The following SEC22A variants were observed in gnomAD, a reference collection of about 807,000 sequenced individuals.
SEC22A encodes the protein SEC22 homolog A, vesicle trafficking protein, also known as vesicle-trafficking protein SEC22a.
A neutral mutation model predicts 35.3 loss-of-function variants in SEC22A; 22 were observed. The observed-to-expected ratio is 0.62, with a 90% CI of 0.45 to 0.89. The LOEUF (loss-of-function observed/expected upper bound fraction) is 0.89. Among genes scored for constraint, SEC22A ranks in the 40% least tolerant of loss-of-function variants. The probability of loss-of-function intolerance (pLI) is 0.00; values close to 1 mark genes in which losing one functional copy is unlikely to be tolerated. For missense variants in SEC22A, 354 were observed against 362.5 expected (o/e 0.98, Z 0.19); for synonymous variants, 119 against 129.5 (o/e 0.92, Z 0.55).
At chr3:123,260,192 A>G (rs1022033158) in intron 6 of SEC22A, among the ~76,000 whole-genome samples, 1 of 138,544 alleles carries the variant, frequency 7.2e-6, no homozygotes, top group Non-Finnish European at 1.5e-5. Context: ...CTGGTGGTTG[A>G]TTATTCAGCT....
At chr3:123,254,208 G>C (rs542955432) in intron 5 of SEC22A, among the ~76,000 whole-genome samples, 2 of 151,706 alleles carry the variant, frequency 1.3e-5, no homozygotes, top group East Asian at 3.9e-4. Flanking sequence ...TTCTTAAAGA[G>C]ACAGGGTCTC....
chr3:123,223,040 A>G (rs1398945231), intron 2 of SEC22A, among the ~76,000 whole-genome samples: 1 of 152,038 alleles, frequency 6.6e-6, no homozygotes, highest in Non-Finnish European at 1.5e-5. Context: ...CCCCCCTCCC[A>G]TGGTTCATAA....
At chr3:123,255,010 TCA>T (rs1272186065) in intron 5 of SEC22A, among the ~76,000 whole-genome samples, 1 of 151,992 alleles carries the variant, frequency 6.6e-6, no homozygotes, top group Non-Finnish European at 1.5e-5. Context: ...TGTAATTCTC[TCA>T]GATATCCACC....
At chr3:123,226,099 A>G (rs956346175) in intron 4 of SEC22A, among the ~76,000 whole-genome samples, 8 of 152,196 alleles carry the variant, frequency 5.3e-5, no homozygotes, top group Non-Finnish European at 1.0e-4. Context: ...CGTTTGTCTG[A>G]TGATGGGCAC....
intron 2 of SEC22A, among the ~76,000 whole-genome samples, chr3:123,212,621 C>T (rs1936955693): frequency 6.6e-6 from 1 of 151,776 alleles, no homozygotes; most frequent in South Asian, 2.1e-4. Context: ...GTTTTAACAT[C>T]CCTTCATTCT....
rs541160966 is a variant in SEC22A at position 123,272,939 on chromosome 3, T to G, written c.*1217T>G. The G allele has an allele frequency of 6.5e-6, 1 of 153,926 alleles. No homozygotes were observed. Among genetic ancestry groups the G allele is most frequent in the East Asian group, 1.9e-4 (1 of 5,192 alleles). The allele number at this position is 153,926 out of a possible 1,614,324, so 9.5% of individuals were successfully genotyped here. A position where few individuals can be genotyped will look rare whatever the true frequency, so the allele number is the denominator to read the frequency against. On this transcript the variant is annotated 3_prime_UTR_variant, in exon 7 of 7. Transcript: ENST00000492595. ...CCTAGTATCTGAGAGAACTTACTTG[T>G]TTTTTGATAACGTTTTAAAGATTGT...
chr3:123,264,849 G>T (rs2108106183), intron 6 of SEC22A, among the ~76,000 whole-genome samples: 1 of 151,850 alleles, frequency 6.6e-6, no homozygotes, highest in East Asian at 1.9e-4. Context: ...GTTTCACCAT[G>T]TTGACCAGGC....
chr3:123,230,290 G>A (rs554159005), intron 4 of SEC22A, among the ~76,000 whole-genome samples: 2 of 152,286 alleles, frequency 1.3e-5, no homozygotes, highest in East Asian at 3.8e-4. Context: ...GACATGGGTG[G>A]TATTAAAGTT....
chr3:123,227,299 TCCTC>T (rs1452277176), intron 4 of SEC22A, among the ~76,000 whole-genome samples: 3 of 152,188 alleles, frequency 2.0e-5, no homozygotes, highest in African/African-American at 7.2e-5. Context: ...TGTGATCTGT[TCCTC>T]CCTTCCTTCA....
At position 123,271,552 on chromosome 3, in the gene SEC22A, C is replaced by T. The variant is rs199753186; in HGVS notation, c.754C>T (p.Arg252Trp). ...CYLLVYYTGW[R>W]NVKSFLTFGL... ...TTTACTTGTCTACTACACCGGCTGG[C>T]GGAATGTCAAATCTTTTTTGACTTT... The change falls in exon 7 of 7, where the codon CGG becomes TGG. Residue 252 changes from arginine (R) to tryptophan (W), a missense_variant. Coordinates refer to ENST00000492595, the MANE Select transcript of SEC22A (RefSeq NM_012430.5). The T allele has an allele frequency of 5.0e-6, 8 of 1,612,026 alleles. No individual in the cohort carries two copies. Among genetic ancestry groups the T allele is most frequent in the Admixed American group, 3.3e-5 (2 of 59,984 alleles).
At chr3:123,248,484 T>C (rs776348860) in intron 5 of SEC22A, among the ~76,000 whole-genome samples, 60 of 152,158 alleles carry the variant, frequency 3.9e-4, no homozygotes, top group Admixed American at 7.2e-4. Flanking sequence ...CCATTTATAG[T>C]GACACCAAAC....
intron 4 of SEC22A, among the ~76,000 whole-genome samples, chr3:123,245,606 C>T (rs1270300242): frequency 2.0e-5 from 3 of 151,716 alleles, no homozygotes; most frequent in Admixed American, 6.6e-5. Context: ...ATCTGAGGCA[C>T]GAGGGTCGCT....
intron 1 of SEC22A, among the ~76,000 whole-genome samples, chr3:123,205,465 G>T (rs1936835386): frequency 6.6e-6 from 1 of 152,110 alleles, no homozygotes; most frequent in Non-Finnish European, 1.5e-5. Flanking sequence ...GACGCAGGTG[G>T]ATCACTTGAG....
At chr3:123,240,492 C>T (rs1019839470) in intron 4 of SEC22A, among the ~76,000 whole-genome samples, 6 of 152,310 alleles carry the variant, frequency 3.9e-5, no homozygotes, top group African/African-American at 7.2e-5. Flanking sequence ...TATTCCTGAG[C>T]GGTATTCCAT....
intron 4 of SEC22A, among the ~76,000 whole-genome samples, chr3:123,240,291 T>C (rs1937506110): frequency 6.6e-6 from 1 of 152,238 alleles, no homozygotes; most frequent in African/African-American, 2.4e-5. Context: ...AAAGTTTCTT[T>C]GTGTCCCTTT....
intron 4 of SEC22A, among the ~76,000 whole-genome samples, chr3:123,239,035 T>TA (rs1178183867): frequency 2.6e-5 from 4 of 152,052 alleles, no homozygotes; most frequent in Non-Finnish European, 5.9e-5. Flanking sequence ...ATCCACTCAC[T>TA]AATTTATTTC....
Position 123,207,331 on chromosome 3 carries a change from T to TA in SEC22A, c.-19-1868_-19-1867insA, listed in dbSNP as rs537877982. ...AACTGGTTTTCTGTGGTATTTTTTTTTATATATATTACTCATTTTTTCCTT... is the reference window on the plus strand; with the variant it reads ...AACTGGTTTTCTGTGGTATTTTTTTTATATATATATTACTCATTTTTTCCTT... On this transcript the variant is annotated intron_variant, in intron 1 of 6. Coordinates refer to ENST00000492595, the MANE Select transcript of SEC22A (RefSeq NM_012430.5). Among the ~76,000 whole-genome samples the TA allele has an allele frequency of 2.5e-4, 38 of 152,280 alleles. No homozygotes were observed. In the East Asian group the frequency reaches 4.4e-3, roughly 18 times the overall value.
chr3:123,271,578 T>A lies in SEC22A; in HGVS notation c.780T>A (p.Phe260Leu), dbSNP rs36124913. ...GGAATGTCAAATCTTTTTTGACTTT[T>A]GGCTTAATCTGTCTATGCAACATGT... ...GWRNVKSFLT[F>L]GLICLCNMYL... Residue 260 changes from phenylalanine to leucine, a missense_variant, in exon 7 of 7, where the codon TTT becomes TTA. Coordinates refer to ENST00000492595, the MANE Select transcript of SEC22A (RefSeq NM_012430.5). The A allele has an allele frequency of 8.1e-6, 13 of 1,614,102 alleles. No homozygotes were observed. The highest frequency in any genetic ancestry group is 1.1e-5 in the Non-Finnish European group (13 of 1,180,044).
intron 2 of SEC22A, among the ~76,000 whole-genome samples, chr3:123,221,238 A>G (rs1022214985): frequency 7.2e-5 from 11 of 151,892 alleles, no homozygotes; most frequent in African/African-American, 2.7e-4. Context: ...TGGGAGGCCA[A>G]GGTGGGCAGA....
Sources: gnomAD v4.1 joint callset for allele counts (sites outside exome capture counted in the v4.1 genomes callset) on GRCh38, gnomAD v4.1.1 for gene constraint, MANE v1.5 for transcripts, NCBI Gene and HGNC (gene_info 2026-07-23, HGNC 2026-07-21) for gene names.